ZMAT3: variants seen among roughly 807,000 people sequenced by gnomAD.
ZMAT3 encodes zinc finger matrin-type protein 3.
ZMAT3 carries 17 observed loss-of-function variants against 32.3 expected under a neutral mutation model. The ratio of observed to expected loss-of-function variants is 0.53; its 90% CI spans 0.36 to 0.79. The LOEUF is 0.79. ZMAT3 is among the 30% of genes least tolerant of loss of function. The probability of loss-of-function intolerance (pLI) is 0.00; values close to 1 mark genes in which losing one functional copy is unlikely to be tolerated. For synonymous variants in ZMAT3, 120 were observed against 133.1 expected, an observed-to-expected ratio of 0.90 and a Z score of 0.68; for missense variants, 329 against 359.7, an observed-to-expected ratio of 0.91 and a Z score of 0.69.
rs1720228901 is a variant in ZMAT3, at chr3:179,046,228, C to T, written c.271-15229G>A. Among the ~76,000 whole-genome samples, 1 of 152,048 alleles carries T rather than the reference C, an allele frequency of 6.6e-6. No individual in the cohort carries two copies. Among genetic ancestry groups the T allele is most frequent in the Non-Finnish European group, 1.5e-5 (1 of 68,020 alleles). Reference sequence around the variant, plus strand: ...GTCCATGAAAAGGCAGAAGAGGTACCCAGTACTAGTGGAGGGGTCAAGGTT... The same window carrying T: ...GTCCATGAAAAGGCAGAAGAGGTACTCAGTACTAGTGGAGGGGTCAAGGTT... On this transcript the variant is annotated intron_variant, in intron 2 of 5. Coordinates refer to ENST00000311417, the MANE Select transcript of ZMAT3 (RefSeq NM_022470.4). This position sits in a 1 kb window ranked among gnomAD's most constrained non-coding sequence, Gnocchi z 4.3.
intron 3 of ZMAT3, among the ~76,000 whole-genome samples, chr3:179,029,540 TG>T (rs1719067858): frequency 6.6e-6 from 1 of 152,186 alleles, no homozygotes; most frequent in African/African-American, 2.4e-5. Flanking sequence ...CTTGGCTCAC[TG>T]CAACCTCCAC....
intron 2 of ZMAT3, among the ~76,000 whole-genome samples, chr3:179,053,775 C>A (rs1720693497): frequency 6.6e-6 from 1 of 152,118 alleles, no homozygotes; most frequent in Non-Finnish European, 1.5e-5. Flanking sequence ...AAATTTGGGA[C>A]ATTCTACAAA....
intron 2 of ZMAT3, among the ~76,000 whole-genome samples, chr3:179,049,641 T>C (rs895237041): frequency 2.0e-5 from 3 of 152,154 alleles, no homozygotes; most frequent in Non-Finnish European, 4.4e-5. Flanking sequence ...ATACAACCTA[T>C]GAAAACCTCT....
At position 179,038,440 on chromosome 3, in the gene ZMAT3, T is replaced by A. The variant is rs115472057; in HGVS notation, c.271-7441A>T. Among the ~76,000 whole-genome samples the A allele has an allele frequency of 3.5e-3, 535 of 152,136 alleles. 4 individuals carry two copies. The highest frequency in any genetic ancestry group is 5.1e-3 in the Non-Finnish European group (345 of 67,992). ...TAAAAAAAGAAAAATGAGGCAGGCA[T>A]GGTGGTGCAAACCTATGGTCCCAGC... is the stretch of plus-strand genomic sequence containing the variant. On this transcript the variant is annotated intron_variant, in intron 2 of 5. Transcript: ENST00000311417.
chr3:179,054,225 C>G (rs1720716928), intron 2 of ZMAT3, among the ~76,000 whole-genome samples: 3 of 152,236 alleles, frequency 2.0e-5, no homozygotes, highest in Admixed American at 1.3e-4. Flanking sequence ...CAAGGACTAT[C>G]TCAGGTACCA....
chr3:179,027,551 G>C, intron 4 of ZMAT3, 28 bp from the exon 5 acceptor site: 1 of 1,613,842 alleles, frequency 6.2e-7, no homozygotes, highest in Non-Finnish European at 8.5e-7. Flanking sequence ...AAAAAAGAGT[G>C]AGTCTTCTAA....
At chr3:179,041,112 G>C (rs564696081) in intron 2 of ZMAT3, among the ~76,000 whole-genome samples, 1 of 152,276 alleles carries the variant, frequency 6.6e-6, no homozygotes, top group South Asian at 2.1e-4. Context: ...AAGAGACTTA[G>C]ACTCCCACAC....
At chr3:179,051,785 C>T (rs145517303) in intron 2 of ZMAT3, among the ~76,000 whole-genome samples, 251 of 152,170 alleles carry the variant, frequency 1.6e-3, no homozygotes, top group African/African-American at 5.7e-3. Flanking sequence ...CTATAGCATA[C>T]GGCTACAGTC....
rs760540117 is a variant in ZMAT3 at position 179,025,156 on chromosome 3, C to A, written c.731G>T (p.Gly244Val). ...RDLAMCVTPSGQFYCSMCNVG... is the reference protein window; with the variant it reads ...RDLAMCVTPSVQFYCSMCNVG... ...ATTACACATTGAGCAGTAAAACTGG[C>A]CACTTGGAGTAACACACATGGCCAG... Residue 244 changes from glycine to valine, a missense_variant, in exon 6 of 6, where the codon GGC (glycine) becomes GTC (valine). Physicochemically the swap from Gly to Val is moderately radical, Grantham distance 109 (BLOSUM62 -3). Coordinates refer to ENST00000311417, the MANE Select transcript of ZMAT3 (RefSeq NM_022470.4). The A allele has an allele frequency of 1.2e-6, 2 of 1,614,190 alleles. No individual in the cohort carries two copies.
chr3:179,025,301 T>C (rs1343898967), intron 5 of ZMAT3, 73 bp from the exon 6 acceptor site: 7 of 1,200,302 alleles, frequency 5.8e-6, no homozygotes, highest in Non-Finnish European at 8.3e-6. Context: ...ATTATCACTG[T>C]AATTTGTAAT....
chr3:179,025,076 T>C lies in ZMAT3; in HGVS notation c.811A>G (p.Lys271Glu). 1 of 1,614,198 alleles carries C rather than the reference T, an allele frequency of 6.2e-7. No individual in the cohort carries two copies. The highest frequency in any genetic ancestry group is 8.5e-7 in the Non-Finnish European group (1 of 1,180,026). ...FRQHLESKQH[K>E]SKVSEQRYRN... ...TACCGCTGTTCAGACACCTTGCTCTTATGTTGCTTGCTCTCTAAATGCTGC... is the reference window on the plus strand; with the variant it reads ...TACCGCTGTTCAGACACCTTGCTCTCATGTTGCTTGCTCTCTAAATGCTGC... Residue 271 changes from lysine to glutamate, a missense_variant, in exon 6 of 6, where the codon AAG becomes GAG. By Grantham distance (56) the Lys-to-Glu change is moderately conservative. Coordinates refer to ENST00000311417, the MANE Select transcript of ZMAT3 (RefSeq NM_022470.4).
At chr3:179,059,695 C>T (rs1721051623) in intron 2 of ZMAT3, among the ~76,000 whole-genome samples, 1 of 152,190 alleles carries the variant, frequency 6.6e-6, no homozygotes, top group African/African-American at 2.4e-5. Flanking sequence ...ATGTTAATGA[C>T]ATCGAAGACA....
chr3:179,065,063 A>C (rs1054847310), intron 2 of ZMAT3, among the ~76,000 whole-genome samples: 3 of 152,178 alleles, frequency 2.0e-5, no homozygotes, highest in African/African-American at 7.2e-5. Context: ...GTTACCAATA[A>C]CATCAGTCTC....
At chr3:179,041,975 GA>G in intron 2 of ZMAT3, among the ~76,000 whole-genome samples, 1 of 152,286 alleles carries the variant, frequency 6.6e-6, no homozygotes, top group Non-Finnish European at 1.5e-5. Flanking sequence ...AAACGAACTA[GA>G]AAATCTAGAA....
chr3:179,059,510 C>T (rs535475626), intron 2 of ZMAT3, among the ~76,000 whole-genome samples: 2 of 152,270 alleles, frequency 1.3e-5, no homozygotes, highest in African/African-American at 4.8e-5. Context: ...GAAATAAACC[C>T]CTGCACTGCA....
chr3:179,062,185 G>C (rs1721184248), intron 2 of ZMAT3, among the ~76,000 whole-genome samples: 1 of 152,126 alleles, frequency 6.6e-6, no homozygotes, highest in African/African-American at 2.4e-5. Context: ...GTAAGATCAT[G>C]GTGACAATGG....
chr3:179,029,858 C>T (rs984152792), intron 3 of ZMAT3, among the ~76,000 whole-genome samples: 1 of 152,026 alleles, frequency 6.6e-6, no homozygotes, highest in Non-Finnish European at 1.5e-5. Flanking sequence ...AGTTTTTTGG[C>T]TCCTTCTTAA....
At chr3:179,027,117 C>T (rs931008218) in intron 5 of ZMAT3, among the ~76,000 whole-genome samples, 5 of 151,996 alleles carry the variant, frequency 3.3e-5, no homozygotes, top group Admixed American at 6.6e-5. Context: ...ACCAAGTAGC[C>T]CATTTTTATC....
intron 2 of ZMAT3, among the ~76,000 whole-genome samples, chr3:179,043,654 T>A (rs1178210725): frequency 6.6e-6 from 1 of 152,126 alleles, no homozygotes; most frequent in African/African-American, 2.4e-5. Context: ...ATTCAGCACA[T>A]AGGCATGGGC....
Sources: allele counts gnomAD v4.1 joint callset (sites outside exome capture counted in the v4.1 genomes callset), GRCh38; gene constraint gnomAD v4.1.1; non-coding constraint Gnocchi (gnomAD v3.1); transcripts MANE v1.5; gene names NCBI Gene and HGNC (gene_info 2026-07-23, HGNC 2026-07-21).